Variants in SVIL observed in about 807,000 individuals in gnomAD.
SVIL encodes the protein archvillin.
In SVIL, 101 loss-of-function variants were observed where a neutral mutation model predicts 240.4. The observed-to-expected ratio is 0.42, with a 90% CI of 0.36 to 0.50. The LOEUF (loss-of-function observed/expected upper bound fraction) is 0.50, where lower values mean the gene tolerates loss of function less well. Ranked by LOEUF, SVIL falls within the 20% of genes least tolerant of loss-of-function variation. SVIL has a pLI of 0.01. For missense variants in SVIL, 2,512 were observed against 2,818.7 expected (o/e 0.89, Z 2.46); for synonymous variants, 999 against 1,100.0 (o/e 0.91, Z 1.82).
In SVIL at chr10:29,634,402, G is replaced by A. The variant is rs1469778792; in HGVS notation, c.-201+18C>T. On this transcript the variant is annotated intron_variant, in intron 1 of 37. Coordinates refer to ENST00000355867, the MANE Select transcript of SVIL (RefSeq NM_021738.3). ...AAAACCTACTGCATTTAGATTTATAGGAAGATTTTTCACTTACTTCAAATT... is the reference window on the plus strand; with the variant it reads ...AAAACCTACTGCATTTAGATTTATAAGAAGATTTTTCACTTACTTCAAATT... 1 of 151,986 alleles carries A rather than the reference G, an allele frequency of 6.6e-6. No homozygotes were observed. Among genetic ancestry groups the A allele is most frequent in the East Asian group, 1.9e-4 (1 of 5,196 alleles). 9.4% of individuals were successfully genotyped at this position (151,986 alleles called of 1,614,324 possible). A position where few individuals can be genotyped will look rare whatever the true frequency, so the allele number is the denominator to read the frequency against.
chr10:29,606,556 T>G (rs1204501001), intron 1 of SVIL, among the ~76,000 whole-genome samples: 2 of 152,226 alleles, frequency 1.3e-5, no homozygotes, highest in African/African-American at 4.8e-5. Flanking sequence ...TATACTTCAA[T>G]ATGCATTTTA....
chr10:29,529,940 G>C (rs995085266), intron 11 of SVIL, 96 bp from the exon 12 acceptor site: 21 of 1,311,908 alleles, frequency 1.6e-5, no homozygotes, highest in Admixed American at 5.5e-5. Context: ...GGAGGCTAAG[G>C]AGGGAAGATT....
At chr10:29,703,915 C>T (rs1962705140) in intron 1 of SVIL, among the ~76,000 whole-genome samples, 1 of 152,180 alleles carries the variant, frequency 6.6e-6, no homozygotes. Flanking sequence ...GATCCTCCAA[C>T]CCCAGCCTCC....
At chr10:29,606,414 AC>A (rs1472609310) in intron 1 of SVIL, among the ~76,000 whole-genome samples, 1 of 152,096 alleles carries the variant, frequency 6.6e-6, no homozygotes, top group African/African-American at 2.4e-5. Context: ...ACTGGCATAT[AC>A]CCCCACCTAA....
intron 3 of SVIL, among the ~76,000 whole-genome samples, chr10:29,646,212 C>G (rs544403916): frequency 6.6e-6 from 1 of 152,168 alleles, no homozygotes; most frequent in Non-Finnish European, 1.5e-5. Context: ...CTCACAGACA[C>G]CCCCCTGCCC....
At chr10:29,572,141 A>G (rs1955453493) in intron 1 of SVIL, among the ~76,000 whole-genome samples, 1 of 152,252 alleles carries the variant, frequency 6.6e-6, no homozygotes, top group Admixed American at 6.5e-5. Flanking sequence ...TGTAAAATAC[A>G]AACACACTTA....
At chr10:29,525,032 G>A (rs758625731) in intron 13 of SVIL, among the ~76,000 whole-genome samples, 6 of 152,112 alleles carry the variant, frequency 3.9e-5, no homozygotes, top group East Asian at 1.9e-4. Context: ...TGTTAGTATC[G>A]TAATAAGTAG....
chr10:29,645,271 GA>G (rs963165750), intron 3 of SVIL, among the ~76,000 whole-genome samples: 3 of 151,904 alleles, frequency 2.0e-5, no homozygotes, highest in Admixed American at 6.6e-5. Context: ...CAATGAGGGG[GA>G]AAAAAAGAAG....
intron 4 of SVIL, 40 bp downstream of exon 4, chr10:29,555,011 G>A: frequency 2.5e-6 from 4 of 1,611,952 alleles, no homozygotes; most frequent in South Asian, 1.1e-5. Flanking sequence ...GCTTTGCCAA[G>A]CTCTCTTCTA....
intron 1 of SVIL, among the ~76,000 whole-genome samples, chr10:29,706,495 T>A (rs1399345227): frequency 6.6e-6 from 1 of 152,198 alleles, no homozygotes; most frequent in Non-Finnish European, 1.5e-5. Context: ...CACATTTTGA[T>A]GGGTATTTTT....
intron 16 of SVIL, among the ~76,000 whole-genome samples, chr10:29,519,751 T>C (rs1950442760): frequency 6.6e-6 from 1 of 152,252 alleles, no homozygotes; most frequent in Admixed American, 6.5e-5. Context: ...ACAAACTGAA[T>C]AGCTGAATAT....
At position 29,470,427 on chromosome 10, in the gene SVIL, C is replaced by G; in HGVS notation, c.5692G>C (p.Glu1898Gln). Residue 1898 changes from glutamate (E) to glutamine (Q), a missense_variant, in exon 32 of 38, where the codon GAA becomes CAA. This residue lies in a region of SVIL where 797 missense variants were observed against 925.3 expected (regional missense o/e 0.86). Coordinates refer to ENST00000355867, the MANE Select transcript of SVIL (RefSeq NM_021738.3). ...AGGCTGCTACAGTGACAGGCCACTT[C>G]CAGCAAATTCCCTTCCACGGGCACC... ...GEVPVEGNLL[E>Q]VACHCSSLRS... 2 of 1,614,228 alleles carry G rather than the reference C, an allele frequency of 1.2e-6. No individual in the cohort carries two copies. The highest frequency in any genetic ancestry group is 1.7e-6 in the Non-Finnish European group (2 of 1,180,054).
At chr10:29,547,891 A>C (rs1203290892) in intron 6 of SVIL, among the ~76,000 whole-genome samples, 1 of 152,188 alleles carries the variant, frequency 6.6e-6, no homozygotes, top group Admixed American at 6.5e-5. Context: ...TAGGTTCTTC[A>C]TCCTACTTGC....
intron 1 of SVIL, among the ~76,000 whole-genome samples, chr10:29,624,475 T>C (rs996438376): frequency 6.6e-6 from 1 of 152,120 alleles, no homozygotes; most frequent in Non-Finnish European, 1.5e-5. Context: ...GAGGCAGAGG[T>C]TGCAGTGAGC....
upstream of SVIL, among the ~76,000 whole-genome samples, chr10:29,736,523 A>T (rs1296997283): frequency 6.7e-6 from 1 of 150,290 alleles, no homozygotes; most frequent in East Asian, 2.0e-4. Flanking sequence ...GCCCGAGTGA[A>T]CTCTTCCAGC....
chr10:29,539,476 T>A (rs2132594732), intron 6 of SVIL, among the ~76,000 whole-genome samples: 1 of 152,270 alleles, frequency 6.6e-6, no homozygotes, highest in African/African-American at 2.4e-5. Flanking sequence ...GGTTTCAGGA[T>A]CCCTGAGGTT....
intron 6 of SVIL, among the ~76,000 whole-genome samples, chr10:29,541,088 C>T (rs796187932): frequency 3.9e-5 from 6 of 152,326 alleles, no homozygotes; most frequent in African/African-American, 1.4e-4. Context: ...AGAGAGATCA[C>T]ATCTGAATTA....
At chr10:29,527,694 G>C (rs1381711810) in intron 12 of SVIL, among the ~76,000 whole-genome samples, 1 of 149,758 alleles carries the variant, frequency 6.7e-6, no homozygotes, top group Non-Finnish European at 1.5e-5. Flanking sequence ...CAAAGTGCTG[G>C]GATTACAGGT....
intron 2 of SVIL, among the ~76,000 whole-genome samples, chr10:29,660,606 G>T (rs962195484): frequency 6.6e-6 from 1 of 152,034 alleles, no homozygotes; most frequent in Non-Finnish European, 1.5e-5. Context: ...AAATTCTGGT[G>T]GGGGGAACGG....
Sources: gnomAD v4.1 joint callset for allele counts (sites outside exome capture counted in the v4.1 genomes callset) on GRCh38, gnomAD v4.1.1 for gene constraint, gnomAD v4.1.1 regional missense constraint, MANE v1.5 for transcripts, NCBI Gene and HGNC (gene_info 2026-07-23, HGNC 2026-07-21) for gene names.